Variants in CNR1 observed in about 807,000 individuals in gnomAD.
CNR1 encodes the protein cannabinoid receptor 1 (brain).
A neutral mutation model predicts 23.0 loss-of-function variants in CNR1; 10 were observed. The observed-to-expected ratio is 0.43, with a 90% CI of 0.27 to 0.74. The LOEUF (loss-of-function observed/expected upper bound fraction) is 0.74. Among genes scored for constraint, CNR1 ranks in the 30% least tolerant of loss-of-function variants. CNR1 has a pLI of 0.19. For synonymous variants in CNR1, 271 were observed against 255.2 expected (o/e 1.06, Z -0.59); for missense variants, 422 against 618.8 (o/e 0.68, Z 3.37).
chr6:88,162,537 G>T (rs1000937167), intron 1 of CNR1, among the ~76,000 whole-genome samples: 29 of 152,128 alleles, frequency 1.9e-4, no homozygotes, highest in African/African-American at 6.5e-4. Flanking sequence ...CAATTCAGTG[G>T]CAAAAAGTTG....
chr6:88,144,036 G>C lies in CNR1; in HGVS notation c.1239C>G (p.Pro413=). 6.2e-7 allele frequency: 1 copy of C among 1,614,102 alleles called. No homozygotes were observed. Among genetic ancestry groups the C allele is most frequent in the Non-Finnish European group, 8.5e-7 (1 of 1,180,014 alleles). ...DLRHAFRSMF[P]SCEGTAQPLD... ...GAGGCTGCGCAGTGCCTTCACAAGA[G>C]GGAAACATGCTCCGGAAAGCGTGTC... is the stretch of plus-strand genomic sequence containing the variant. The change falls in exon 2 of 2, where the codon CCC becomes CCG. Residue 413 remains proline (P), a synonymous_variant. Transcript: ENST00000369501. This position sits in a 1 kb window ranked among gnomAD's most constrained non-coding sequence, Gnocchi z 7.8.
chr6:88,140,106 G>A lies in CNR1; in HGVS notation c.*3750C>T, dbSNP rs1776726110. On this transcript the variant is annotated 3_prime_UTR_variant, in exon 2 of 2. Coordinates refer to ENST00000369501, the MANE Select transcript of CNR1 (RefSeq NM_016083.6). ...GTACTTGTATACAAAGTATTATACA[G>A]ATTACTAACGAAGATATTGCAGTGG... 6.5e-6 allele frequency: 1 copy of A among 152,724 alleles called. No individual in the cohort carries two copies. Among genetic ancestry groups the A allele is most frequent in the Non-Finnish European group, 1.5e-5 (1 of 68,032 alleles). 9.5% of individuals were successfully genotyped at this position (152,724 alleles called of 1,614,324 possible).
At chr6:88,162,637 T>G (rs569228842) in intron 1 of CNR1, among the ~76,000 whole-genome samples, 1 of 152,170 alleles carries the variant, frequency 6.6e-6, no homozygotes, top group South Asian at 2.1e-4. Context: ...GAACTGGAGA[T>G]TCAGGGAAGA....
At chr6:88,159,728 C>T (rs994257456) in intron 1 of CNR1, among the ~76,000 whole-genome samples, 4 of 152,126 alleles carry the variant, frequency 2.6e-5, no homozygotes, top group African/African-American at 4.8e-5. Context: ...GTCTAGCTTT[C>T]GTTTTTCACA....
intron 1 of CNR1, among the ~76,000 whole-genome samples, chr6:88,146,965 T>C (rs763249955): frequency 2.6e-5 from 4 of 152,160 alleles, no homozygotes; most frequent in Admixed American, 6.5e-5. Context: ...CTAGCTACGG[T>C]ACTAGACACT....
chr6:88,163,636 C>T (rs1011874759), intron 1 of CNR1, among the ~76,000 whole-genome samples: 1 of 152,200 alleles, frequency 6.6e-6, no homozygotes, highest in Non-Finnish European at 1.5e-5. Context: ...ATACTAAACA[C>T]TTATCAACAC....
intron 1 of CNR1, among the ~76,000 whole-genome samples, chr6:88,153,330 G>T (rs1325213265): frequency 2.0e-5 from 3 of 151,894 alleles, no homozygotes; most frequent in African/African-American, 7.3e-5. Flanking sequence ...ATTTTTATTC[G>T]TATAACCACA....
chr6:88,150,434 CCT>C (rs76129761), intron 1 of CNR1, among the ~76,000 whole-genome samples: 5,180 of 152,242 alleles, frequency 0.034, 107 homozygotes, highest in South Asian at 0.058. Context: ...GTATTTACCC[CCT>C]CTTTGTTTTC....
chr6:88,141,819 G>GC lies in CNR1; in HGVS notation c.*2036dup, dbSNP rs1212461910. ...AGCGTGAACCGTAAGAAGGGGAACT[G>GC]CCCCATCAGGCTGCTTGGGTATCTC... On this transcript the variant is annotated 3_prime_UTR_variant, in exon 2 of 2. Transcript: ENST00000369501. The GC allele has an allele frequency of 6.6e-6, 1 of 152,358 alleles. No homozygotes were observed. Among genetic ancestry groups the GC allele is most frequent in the African/African-American group, 2.4e-5 (1 of 41,458 alleles). 9.4% of individuals were successfully genotyped at this position (152,358 alleles called of 1,614,324 possible).
intron 1 of CNR1, among the ~76,000 whole-genome samples, chr6:88,148,246 A>G (rs1388901009): frequency 4.6e-5 from 7 of 152,208 alleles, no homozygotes; most frequent in African/African-American, 1.7e-4. Context: ...TCCCATGGCG[A>G]TGAACACCCT....
At chr6:88,149,533 T>A (rs1230063060) in intron 1 of CNR1, among the ~76,000 whole-genome samples, 1 of 152,196 alleles carries the variant, frequency 6.6e-6, no homozygotes, top group Non-Finnish European at 1.5e-5. Flanking sequence ...AGCTGTTCCT[T>A]ACATGGTCCT....
In CNR1 at chr6:88,145,103, A is replaced by AG; in HGVS notation, c.171dup (p.Phe58LeufsTer36). 6.2e-7 allele frequency: 1 copy of AG among 1,614,190 alleles called. No individual in the cohort carries two copies. Among genetic ancestry groups the AG allele is most frequent in the Non-Finnish European group, 8.5e-7 (1 of 1,180,022 alleles). ...TCTCCCGCAGTCATCTTCTCTTGGA[A>AG]GGGACTTCCCCTAAAGGAAGTTAAA... On this transcript the variant is annotated frameshift_variant, in exon 2 of 2. Coordinates refer to ENST00000369501, the MANE Select transcript of CNR1 (RefSeq NM_016083.6). LOFTEE classifies it high-confidence loss of function.
chr6:88,166,600 G>A (rs1292710276), upstream of CNR1, among the ~76,000 whole-genome samples: 1 of 152,090 alleles, frequency 6.6e-6, no homozygotes, highest in Non-Finnish European at 1.5e-5. Flanking sequence ...CTCCTCCTCC[G>A]CCGCCGCGCT....
chr6:88,152,235 A>AG (rs1451740843), intron 1 of CNR1, among the ~76,000 whole-genome samples: 1 of 150,054 alleles, frequency 6.7e-6, no homozygotes, highest in African/African-American at 2.5e-5. Context: ...AAAAAAAAAA[A>AG]AGAAATGTAA....
Position 88,145,158 on chromosome 6 carries a change from G to T in CNR1, c.117C>A (p.Ser39=). The T allele has an allele frequency of 6.2e-7, 1 of 1,614,156 alleles. No homozygotes were observed. Among genetic ancestry groups the T allele is most frequent in the Non-Finnish European group, 8.5e-7 (1 of 1,180,004 alleles). The change falls in exon 2 of 2, where the codon TCC becomes TCA. Residue 39 remains serine, a synonymous_variant. Coordinates refer to ENST00000369501, the MANE Select transcript of CNR1 (RefSeq NM_016083.6). ...QYEDIKGDMA[S]KLGYFPQKFP... is the part of the protein sequence containing the mutation. Reference sequence around the variant, plus strand: ...ATTTCTGTGGGAAGTACCCTAATTTGGATGCCATGTCACCTTTGATGTCTT... The same window carrying T: ...ATTTCTGTGGGAAGTACCCTAATTTTGATGCCATGTCACCTTTGATGTCTT...
intron 1 of CNR1, among the ~76,000 whole-genome samples, chr6:88,162,436 A>C (rs1391707092): frequency 6.6e-6 from 1 of 152,236 alleles, no homozygotes; most frequent in Non-Finnish European, 1.5e-5. Flanking sequence ...TTAATCCAGG[A>C]AACATTTTGG....
Position 88,143,699 on chromosome 6 carries a change from G to T in CNR1, c.*157C>A. ...ATGGAGTTTGAGTACCTAAACTATG[G>T]AAACATTAGCAAACTGATAAGTGAT... On this transcript the variant is annotated 3_prime_UTR_variant, in exon 2 of 2. Coordinates refer to ENST00000369501, the MANE Select transcript of CNR1 (RefSeq NM_016083.6). 1 of 645,272 alleles carries T rather than the reference G, an allele frequency of 1.5e-6. No homozygotes were observed. The highest frequency in any genetic ancestry group is 1.9e-5 in the South Asian group (1 of 52,664). 40.0% of individuals were successfully genotyped at this position (645,272 alleles called of 1,614,324 possible).
intron 1 of CNR1, among the ~76,000 whole-genome samples, chr6:88,158,400 C>T (rs139701062): frequency 1.1e-4 from 16 of 152,216 alleles, no homozygotes; most frequent in African/African-American, 2.6e-4. Context: ...CAGGTACCAA[C>T]GGGCTGAAAA....
intron 1 of CNR1, chr6:88,163,075 G>A (rs1306715576): frequency 6.6e-6 from 1 of 152,136 alleles, no homozygotes; most frequent in Non-Finnish European, 1.5e-5. Context: ...TTAGGTTACT[G>A]CCTGTTATCA....
Sources: gnomAD v4.1 joint callset for allele counts (sites outside exome capture counted in the v4.1 genomes callset) on GRCh38, gnomAD v4.1.1 for gene constraint, Gnocchi (gnomAD v3.1) non-coding constraint, MANE v1.5 for transcripts, NCBI Gene and HGNC (gene_info 2026-07-23, HGNC 2026-07-21) for gene names.